CNTN1: variants seen among roughly 807,000 people sequenced by gnomAD.
CNTN1 encodes contactin-1.
CNTN1 carries 38 observed loss-of-function variants against 126.4 expected under a neutral mutation model. The ratio of observed to expected loss-of-function variants is 0.30; its 90% CI spans 0.23 to 0.39. The LOEUF is 0.39. Ranked by LOEUF, CNTN1 falls within the 10% of genes least tolerant of loss-of-function variation. The probability of loss-of-function intolerance (pLI) is 1.00; values close to 1 mark genes in which losing one functional copy is unlikely to be tolerated. For synonymous variants in CNTN1, 413 were observed against 422.6 expected (o/e 0.98, Z 0.28); for missense variants, 1,009 against 1,248.4 (o/e 0.81, Z 2.89).
At chr12:40,899,070 G>T (rs1004486276) in intron 1 of CNTN1, among the ~76,000 whole-genome samples, 1 of 152,138 alleles carries the variant, frequency 6.6e-6, no homozygotes, top group African/African-American at 2.4e-5. Context: ...AACTCTCAGG[G>T]TACATTGAGT....
chr12:40,892,232 G>A (rs1944263704), intron 1 of CNTN1, among the ~76,000 whole-genome samples: 1 of 152,070 alleles, frequency 6.6e-6, no homozygotes, highest in African/African-American at 2.4e-5. Flanking sequence ...GATGCGAATA[G>A]CAAAAAGTGA....
intron 16 of CNTN1, among the ~76,000 whole-genome samples, chr12:40,988,865 TG>T (rs1239582744): frequency 3.9e-5 from 6 of 152,242 alleles, no homozygotes; most frequent in South Asian, 2.1e-4. Context: ...GGCATTATAC[TG>T]TTAAGATCTG....
chr12:40,733,272 AT>A (rs201803288), intron 1 of CNTN1, among the ~76,000 whole-genome samples: 1,980 of 151,790 alleles, frequency 0.013, 17 homozygotes, highest in Non-Finnish European at 0.022. Flanking sequence ...ATAAGGCTAT[AT>A]TTTTTTTGCT....
intron 17 of CNTN1, among the ~76,000 whole-genome samples, chr12:41,007,831 C>T (rs1948541083): frequency 6.6e-6 from 1 of 152,188 alleles, no homozygotes; most frequent in Non-Finnish European, 1.5e-5. Flanking sequence ...CATGTATAGT[C>T]CTTACTTCCT....
At chr12:40,738,754 G>A (rs924921480) in intron 1 of CNTN1, among the ~76,000 whole-genome samples, 4 of 151,984 alleles carry the variant, frequency 2.6e-5, no homozygotes, top group Admixed American at 6.6e-5. Flanking sequence ...AACAGTCAAA[G>A]AAATGCAAAA....
At chr12:40,762,198 C>T (rs1485986425) in intron 1 of CNTN1, among the ~76,000 whole-genome samples, 1 of 152,156 alleles carries the variant, frequency 6.6e-6, no homozygotes, top group East Asian at 1.9e-4. Flanking sequence ...TACTGTTACA[C>T]ATATACAAAG....
intron 1 of CNTN1, among the ~76,000 whole-genome samples, chr12:40,872,208 T>TGTGTGTGTG (rs1943523302): frequency 4.0e-5 from 5 of 124,048 alleles, no homozygotes; most frequent in African/African-American, 1.5e-4. Context: ...TTCCGTTGCT[T>TGTGTGTGTG]TGTTTGTGTG....
chr12:41,003,270 G>A (rs1948410415), intron 17 of CNTN1, among the ~76,000 whole-genome samples: 1 of 152,182 alleles, frequency 6.6e-6, no homozygotes, highest in Non-Finnish European at 1.5e-5. Flanking sequence ...TGTTAAACAA[G>A]CCTTGCTTCC....
intron 23 of CNTN1, among the ~76,000 whole-genome samples, chr12:41,045,187 G>A (rs12824182): frequency 0.08 from 12,087 of 151,944 alleles, 698 homozygotes; most frequent in African/African-American, 0.16. Context: ...CAAATCATAG[G>A]ATATTACTTT....
chr12:40,930,399 A>AT (rs1392040595), intron 7 of CNTN1, among the ~76,000 whole-genome samples: 2 of 151,994 alleles, frequency 1.3e-5, no homozygotes, highest in East Asian at 1.9e-4. Flanking sequence ...TAATTGTAGA[A>AT]TTTTTTAAGT....
At chr12:41,068,794 T>A (rs1023508177) in intron 23 of CNTN1, among the ~76,000 whole-genome samples, 1 of 152,178 alleles carries the variant, frequency 6.6e-6, no homozygotes, top group African/African-American at 2.4e-5. Context: ...ATTGACTAAA[T>A]TTTTTAGGTC....
At chr12:40,972,659 G>T (rs758243785) in intron 15 of CNTN1, 5 of 960,002 alleles carry the variant, frequency 5.2e-6, no homozygotes, top group South Asian at 4.8e-5. Context: ...ATATTTTCTA[G>T]TCTCAATTAC....
rs1004715861 is a variant in CNTN1 at position 40,922,259 on chromosome 12, G to A, written c.231G>A (p.Trp77Ter). Residue 77 changes from tryptophan to a stop codon, truncating the protein, a stop_gained, in exon 5 of 24, where the codon TGG becomes TGA. Coordinates refer to ENST00000551295, the MANE Select transcript of CNTN1 (RefSeq NM_001843.4). LOFTEE classifies it high-confidence loss of function. ...CCTTTGTGTCTTTTTCTCATAGATG[G>A]AGAATGAATAATGGGGACGTTGATC... is the stretch of plus-strand genomic sequence containing the variant. The part of the protein sequence containing the change: ...ARASPFPVYK[W>*]RMNNGDVDLT... The A allele has an allele frequency of 1.9e-6, 3 of 1,613,674 alleles. No homozygotes were observed. Among genetic ancestry groups the A allele is most frequent in the African/African-American group, 1.3e-5 (1 of 74,908 alleles).
intron 1 of CNTN1, among the ~76,000 whole-genome samples, chr12:40,816,194 T>A (rs2136515938): frequency 6.6e-6 from 1 of 152,292 alleles, no homozygotes; most frequent in Middle Eastern, 3.4e-3. Context: ...TCCCTCCTTT[T>A]CAATTGTTTG....
intron 12 of CNTN1, among the ~76,000 whole-genome samples, chr12:40,940,246 TGAG>T (rs1305548662): frequency 1.3e-5 from 2 of 151,926 alleles, no homozygotes; most frequent in Non-Finnish European, 2.9e-5. Context: ...GGCCCTATGG[TGAG>T]GAGTTTAGAA....
chr12:40,711,533 C>A (rs1941913511), intron 1 of CNTN1, among the ~76,000 whole-genome samples: 1 of 152,042 alleles, frequency 6.6e-6, no homozygotes. Flanking sequence ...TTATGCTTGG[C>A]TAACTCTCTT....
chr12:40,822,964 A>G (rs1240283824), intron 1 of CNTN1, among the ~76,000 whole-genome samples: 1 of 152,048 alleles, frequency 6.6e-6, no homozygotes, highest in Non-Finnish European at 1.5e-5. Flanking sequence ...CGTGTACCCA[A>G]TGTTTAGCTC....
intron 16 of CNTN1, among the ~76,000 whole-genome samples, chr12:40,984,644 T>C (rs1175130295): frequency 1.3e-5 from 2 of 152,176 alleles, no homozygotes; most frequent in Non-Finnish European, 2.9e-5. Flanking sequence ...ACTCCTCTTA[T>C]TAGGCCCCAC....
At chr12:40,830,999 A>G (rs1259736236) in intron 1 of CNTN1, among the ~76,000 whole-genome samples, 1 of 142,834 alleles carries the variant, frequency 7.0e-6, no homozygotes, top group Non-Finnish European at 1.5e-5. Flanking sequence ...AAACATATAT[A>G]CTATAAGTTA....
Sources: gnomAD v4.1 joint callset for allele counts (sites outside exome capture counted in the v4.1 genomes callset) on GRCh38, gnomAD v4.1.1 for gene constraint, MANE v1.5 for transcripts, NCBI Gene and HGNC (gene_info 2026-07-23, HGNC 2026-07-21) for gene names.